Variants in ANKRD30B observed in about 807,000 individuals in gnomAD.
ANKRD30B encodes ankyrin repeat domain-containing protein 30B.
Under a neutral mutation model 202.2 loss-of-function variants are expected in ANKRD30B, and 144 were observed. The ratio of observed to expected loss-of-function variants is 0.71; its 90% CI spans 0.62 to 0.82. ANKRD30B has a LOEUF of 0.82. ANKRD30B is among the 40% of genes least tolerant of loss of function. The pLI, the probability that ANKRD30B is intolerant of heterozygous loss-of-function variation, is 0.00. For synonymous variants in ANKRD30B, 508 were observed against 561.3 expected (o/e 0.91, Z 1.34); for missense variants, 1,487 against 1,669.1 (o/e 0.89, Z 1.90).
At chr18:14,899,579 C>A in the ANKRD30B span, among the ~76,000 whole-genome samples, 1 of 151,966 alleles carries the variant, frequency 6.6e-6, no homozygotes, top group African/African-American at 2.4e-5. Context: ...TCATTATACC[C>A]CTCCAAAACA....
chr18:14,772,856 C>A (rs920975523), intron 9 of ANKRD30B, among the ~76,000 whole-genome samples: 13 of 152,018 alleles, frequency 8.6e-5, no homozygotes, highest in Admixed American at 3.3e-4. Flanking sequence ...GTGGTGCATG[C>A]CTGTAGTTCC....
At chr18:14,873,755 G>A in the ANKRD30B span, among the ~76,000 whole-genome samples, 1 of 152,068 alleles carries the variant, frequency 6.6e-6, no homozygotes, top group East Asian at 1.9e-4. Flanking sequence ...ATTATTAATA[G>A]CATTAGGCGA....
chr18:14,881,781 T>C, the ANKRD30B span, among the ~76,000 whole-genome samples: 1 of 152,200 alleles, frequency 6.6e-6, no homozygotes, highest in East Asian at 1.9e-4. Flanking sequence ...ATCTTGCTGC[T>C]TGATTTATTG....
the ANKRD30B span, among the ~76,000 whole-genome samples, chr18:14,890,331 AAATAGTTACAT>A: frequency 1.3e-5 from 2 of 151,974 alleles, no homozygotes; most frequent in South Asian, 4.1e-4. Flanking sequence ...TGTATCAAAT[AAATAGTTACAT>A]ATTTGAGTTC....
the ANKRD30B span, among the ~76,000 whole-genome samples, chr18:14,922,654 C>CAA: frequency 0.037 from 3,872 of 104,574 alleles, 121 homozygotes; most frequent in African/African-American, 0.081. Flanking sequence ...GACTCCGTCT[C>CAA]AAAAAAAAAA....
chr18:14,869,279 A>T, the ANKRD30B span, among the ~76,000 whole-genome samples: 1 of 151,832 alleles, frequency 6.6e-6, no homozygotes, highest in African/African-American at 2.4e-5. Context: ...TCAGTTCTGG[A>T]GTCCTTAGAC....
chr18:14,856,327 G>A (rs1234507237), downstream of ANKRD30B, among the ~76,000 whole-genome samples: 1,182 of 116,290 alleles, frequency 0.01, 4 homozygotes, highest in African/African-American at 0.036. Context: ...AGGCAGAGGC[G>A]CTCCTCACCT....
At chr18:14,860,902 T>C in the ANKRD30B span, among the ~76,000 whole-genome samples, 3 of 152,126 alleles carry the variant, frequency 2.0e-5, no homozygotes, top group South Asian at 2.1e-4. Flanking sequence ...AGTTTCTTCA[T>C]GTTGGCCAGG....
chr18:14,752,937 TG>T lies in ANKRD30B; in HGVS notation c.436del (p.Ala146ProfsTer8), dbSNP rs763188433. 1 of 1,603,998 alleles carries T rather than the reference TG, an allele frequency of 6.2e-7. No homozygotes were observed. Among genetic ancestry groups the T allele is most frequent in the Non-Finnish European group, 8.5e-7 (1 of 1,174,572 alleles). ...DVYGNTALHY[A>X]VYSENLLMVA... ...TGTATGGCAACACGGCTCTCCATTA[TG>T]CCGTTTATAGTGAGAATTTGTTAAT... On this transcript the variant is annotated frameshift_variant, in exon 3 of 44. Coordinates refer to ENST00000690538, the MANE Select transcript of ANKRD30B (RefSeq NM_001367607.2). LOFTEE classifies it high-confidence loss of function.
chr18:14,807,357 G>C (rs1030836396), intron 24 of ANKRD30B, among the ~76,000 whole-genome samples: 5 of 150,686 alleles, frequency 3.3e-5, no homozygotes, highest in Admixed American at 2.0e-4. Context: ...TTAACAACTC[G>C]CATGGTATAA....
intron 16 of ANKRD30B, among the ~76,000 whole-genome samples, chr18:14,792,182 C>G (rs1043392224): frequency 1.3e-5 from 2 of 152,158 alleles, no homozygotes; most frequent in African/African-American, 4.8e-5. Flanking sequence ...ACTAGGGATT[C>G]TGCATTTTTA....
the ANKRD30B span, among the ~76,000 whole-genome samples, chr18:14,932,419 C>T: frequency 6.6e-6 from 1 of 152,238 alleles, no homozygotes; most frequent in Admixed American, 6.5e-5. Context: ...TCACTGCAAG[C>T]TCCGCCTCCC....
chr18:14,892,282 T>A, the ANKRD30B span, among the ~76,000 whole-genome samples: 1 of 152,228 alleles, frequency 6.6e-6, no homozygotes, highest in African/African-American at 2.4e-5. Context: ...ACAGAACAAT[T>A]GTAAAACATA....
the ANKRD30B span, among the ~76,000 whole-genome samples, chr18:14,893,420 G>A: frequency 6.6e-6 from 1 of 152,130 alleles, no homozygotes; most frequent in African/African-American, 2.4e-5. Flanking sequence ...AGACCAGCCT[G>A]GCAAATATGG....
At chr18:14,825,838 A>G (rs985292285) in intron 32 of ANKRD30B, among the ~76,000 whole-genome samples, 8 of 152,218 alleles carry the variant, frequency 5.3e-5, no homozygotes, top group Admixed American at 2.6e-4. Context: ...AAAGAGGTAC[A>G]GTTAATATGA....
the ANKRD30B span, among the ~76,000 whole-genome samples, chr18:14,908,889 G>A: frequency 8.5e-5 from 13 of 152,126 alleles, no homozygotes; most frequent in East Asian, 1.9e-4. Flanking sequence ...TTTCAATGAC[G>A]TCCTTGATCC....
the ANKRD30B span, among the ~76,000 whole-genome samples, chr18:14,860,009 A>C: frequency 9.1e-6 from 1 of 109,660 alleles, no homozygotes; most frequent in African/African-American, 3.6e-5. Context: ...ACAGGGTGGG[A>C]GCTGGGCAGA....
intron 36 of ANKRD30B, among the ~76,000 whole-genome samples, chr18:14,839,324 T>G (rs1386223205): frequency 2.0e-5 from 3 of 152,146 alleles, no homozygotes; most frequent in Admixed American, 2.0e-4. Flanking sequence ...GAGTAGATCT[T>G]TCTGCAACTG....
the ANKRD30B span, among the ~76,000 whole-genome samples, chr18:14,887,719 G>T: frequency 2.0e-5 from 3 of 151,858 alleles, no homozygotes; most frequent in Non-Finnish European, 4.4e-5. Flanking sequence ...AACAGATACA[G>T]CTTATTAAAG....
Sources: gnomAD v4.1 joint callset for allele counts (sites outside exome capture counted in the v4.1 genomes callset) on GRCh38, gnomAD v4.1.1 for gene constraint, MANE v1.5 for transcripts, NCBI Gene and HGNC (gene_info 2026-07-23, HGNC 2026-07-21) for gene names.